Variants in CDH19 observed in about 807,000 individuals in gnomAD.
CDH19 encodes the protein cadherin 19.
A neutral mutation model predicts 64.2 loss-of-function variants in CDH19; 67 were observed. The ratio of observed to expected loss-of-function variants is 1.04; its 90% CI spans 0.86 to 1.28. The LOEUF (loss-of-function observed/expected upper bound fraction) is 1.28, where lower values mean the gene tolerates loss of function less well. Among genes scored for constraint, CDH19 ranks in the 50% most tolerant of loss-of-function variants. CDH19 has a pLI of 0.00. For synonymous variants in CDH19, 346 were observed against 319.3 expected (o/e 1.08, Z -0.89); for missense variants, 1,030 against 929.0 (o/e 1.11, Z -1.41).
chr18:66,598,302 T>C (rs1988955338), intron 1 of CDH19, among the ~76,000 whole-genome samples: 1 of 152,126 alleles, frequency 6.6e-6, no homozygotes, highest in Non-Finnish European at 1.5e-5. Flanking sequence ...ATTATATCAC[T>C]ACCATTCAAC....
In CDH19 at chr18:66,509,165, G is replaced by C; in HGVS notation, c.1658C>G (p.Ala553Gly). 1.2e-6 allele frequency: 2 copies of C among 1,612,694 alleles called. No individual in the cohort carries two copies. The highest frequency in any genetic ancestry group is 1.7e-6 in the Non-Finnish European group (2 of 1,179,106). ...TGTAAGTGACGGGATTCCATTGTCG[G>C]CAATTAAGATGGAGATGTAGAAGAC... ...EPVFYISILI[A>G]DNGIPSLTST... Residue 553 changes from alanine (A) to glycine (G), a missense_variant, in exon 11 of 12, where the codon GCC (alanine) becomes GGC (glycine). By Grantham distance (60) the Ala-to-Gly change is moderately conservative. Transcript: ENST00000262150.
intron 1 of CDH19, among the ~76,000 whole-genome samples, chr18:66,591,572 C>T (rs1224924473): frequency 6.6e-6 from 1 of 151,812 alleles, no homozygotes; most frequent in East Asian, 1.9e-4. Context: ...ATCATAAATA[C>T]TTATAAAAAC....
At chr18:66,573,156 T>C (rs980192758) in intron 1 of CDH19, among the ~76,000 whole-genome samples, 9 of 151,684 alleles carry the variant, frequency 5.9e-5, no homozygotes, top group African/African-American at 2.2e-4. Context: ...AACTTAATAG[T>C]TTTGCATTTC....
chr18:66,525,238 C>T (rs1199376349), intron 9 of CDH19, among the ~76,000 whole-genome samples: 2 of 152,016 alleles, frequency 1.3e-5, no homozygotes, highest in Non-Finnish European at 2.9e-5. Context: ...ACTTTTACTA[C>T]CCTTTGTAAT....
Position 66,554,673 on chromosome 18 carries a change from AT to A in CDH19, c.491-150del, listed in dbSNP as rs1377177577. On this transcript the variant is annotated intron_variant, in intron 3 of 11. Transcript: ENST00000262150. ...TTGTTCTTAATTGTAAAAGTAATGT[AT>A]TTTTTTGTTGTTTTTTATTTTTTTC... is the stretch of plus-strand genomic sequence containing the variant. 1.1e-5 allele frequency: 6 copies of A among 569,350 alleles called. No individual in the cohort carries two copies. The Admixed American group carries it at 1.5e-4, about 14-fold the overall frequency. 35.3% of individuals were successfully genotyped at this position (569,350 alleles called of 1,614,324 possible). A position where few individuals can be genotyped will look rare whatever the true frequency, so the allele number is the denominator to read the frequency against.
intron 11 of CDH19, among the ~76,000 whole-genome samples, chr18:66,507,565 T>C (rs1463460376): frequency 1.3e-5 from 2 of 151,834 alleles, no homozygotes; most frequent in Non-Finnish European, 2.9e-5. Flanking sequence ...TTAAGACCTT[T>C]TGGTGTTCAG....
At chr18:66,525,035 T>C (rs1986167405) in intron 9 of CDH19, among the ~76,000 whole-genome samples, 1 of 152,160 alleles carries the variant, frequency 6.6e-6, no homozygotes. Context: ...AGAATTTACA[T>C]TATTTAATTT....
At chr18:66,583,399 A>T (rs571284220) in intron 1 of CDH19, among the ~76,000 whole-genome samples, 1 of 152,166 alleles carries the variant, frequency 6.6e-6, no homozygotes, top group East Asian at 1.9e-4. Context: ...AGGAAAACTC[A>T]TGTCACAGGA....
intron 9 of CDH19, among the ~76,000 whole-genome samples, chr18:66,514,153 G>A (rs1431446821): frequency 1.3e-5 from 2 of 151,384 alleles, no homozygotes; most frequent in Admixed American, 1.3e-4. Context: ...TAAATTGGCT[G>A]GGCCAGAATT....
chr18:66,587,854 A>C (rs1300983814), intron 1 of CDH19, among the ~76,000 whole-genome samples: 2 of 152,158 alleles, frequency 1.3e-5, no homozygotes, highest in African/African-American at 2.4e-5. Context: ...CCCGACTAAC[A>C]AAATCAACTG....
intron 1 of CDH19, among the ~76,000 whole-genome samples, chr18:66,584,496 G>T (rs1366475772): frequency 2.0e-5 from 3 of 152,002 alleles, no homozygotes; most frequent in African/African-American, 7.2e-5. Flanking sequence ...CAACCCAGCA[G>T]TCCCACTACT....
Position 66,572,310 on chromosome 18 carries a change from T to C in CDH19, c.-106A>G. 1.3e-6 allele frequency: 1 copy of C among 764,816 alleles called. No individual in the cohort carries two copies. The allele number at this position is 764,816 out of a possible 1,614,324, so 47.4% of individuals were successfully genotyped here. ...ATCTTTTCTGATTCTGTGTACCTTC[T>C]ATATACCTAAAGCGTCAGAAACAAA... On this transcript the variant is annotated 5_prime_UTR_variant, in exon 2 of 12. The change creates a new upstream start codon in the 5' untranslated region. Coordinates refer to ENST00000262150, the MANE Select transcript of CDH19 (RefSeq NM_021153.4).
At chr18:66,532,837 C>G (rs1204301210) in intron 8 of CDH19, 3 of 397,582 alleles carry the variant, frequency 7.5e-6, no homozygotes, top group Non-Finnish European at 1.5e-5. Flanking sequence ...TTAGCAAATA[C>G]AGGCGGTCAC....
At chr18:66,569,925 G>A (rs886302412) in intron 2 of CDH19, among the ~76,000 whole-genome samples, 16 of 151,630 alleles carry the variant, frequency 1.1e-4, no homozygotes, top group African/African-American at 3.9e-4. Flanking sequence ...TTTCTTTGCG[G>A]TTGTGGAGAA....
Position 66,508,998 on chromosome 18 carries a change from A to G in CDH19, c.1825T>C (p.Phe609Leu). The part of the protein sequence containing the change: ...IAILICIMII[F>L]GFIFLTLGLK... ...AGCAATGATGACTTCTACCTACCAA[A>G]TATGATCATAATGCAAATGAGAATA... The change falls in exon 11 of 12, where the codon TTT (phenylalanine) becomes CTT (leucine). Residue 609 changes from phenylalanine (F) to leucine (L), a missense_variant. Phe to Leu is a conservative substitution (Grantham distance 22). Coordinates refer to ENST00000262150, the MANE Select transcript of CDH19 (RefSeq NM_021153.4). 6.2e-7 allele frequency: 1 copy of G among 1,606,188 alleles called. No homozygotes were observed. Among genetic ancestry groups the G allele is most frequent in the South Asian group, 1.1e-5 (1 of 90,910 alleles).
intron 7 of CDH19, 72 bp from the exon 8 acceptor site, chr18:66,535,179 A>G (rs544651762): frequency 2.2e-6 from 2 of 926,088 alleles, no homozygotes; most frequent in Non-Finnish European, 3.0e-6. Context: ...ATACTCTTTA[A>G]GCAATAAGAC....
chr18:66,516,170 T>C (rs1240561437), intron 9 of CDH19, among the ~76,000 whole-genome samples: 2 of 151,906 alleles, frequency 1.3e-5, no homozygotes, highest in African/African-American at 4.8e-5. Context: ...TGAGGGACAC[T>C]CCCAGGCTCT....
intron 1 of CDH19, among the ~76,000 whole-genome samples, chr18:66,592,520 T>C (rs1255100228): frequency 1.3e-5 from 2 of 151,720 alleles, no homozygotes; most frequent in Non-Finnish European, 3.0e-5. Flanking sequence ...TATTAAACAA[T>C]CTTTCCCCAT....
At chr18:66,519,339 T>A (rs935439609) in intron 9 of CDH19, among the ~76,000 whole-genome samples, 1 of 152,210 alleles carries the variant, frequency 6.6e-6, no homozygotes, top group Non-Finnish European at 1.5e-5. Context: ...TTCTTTCTTA[T>A]TTGTTTTTTA....
Sources: gnomAD v4.1 joint callset for allele counts (sites outside exome capture counted in the v4.1 genomes callset) on GRCh38, gnomAD v4.1.1 for gene constraint, MANE v1.5 for transcripts, NCBI Gene and HGNC (gene_info 2026-07-23, HGNC 2026-07-21) for gene names.